ADARB1: variants seen among roughly 807,000 people sequenced by gnomAD.
ADARB1 encodes the protein double-stranded RNA-specific editase 1.
A neutral mutation model predicts 52.4 loss-of-function variants in ADARB1; 10 were observed. The ratio of observed to expected loss-of-function variants is 0.19; its 90% CI spans 0.12 to 0.32. The LOEUF is 0.32. Among genes scored for constraint, ADARB1 ranks in the 10% least tolerant of loss-of-function variants. The pLI is 1.00. For missense variants in ADARB1, 643 were observed against 922.3 expected (o/e 0.70, Z 3.92); for synonymous variants, 349 against 371.1 (o/e 0.94, Z 0.68).
At position 45,222,711 on chromosome 21, in the gene ADARB1, A is replaced by G. The variant is rs995658669; in HGVS notation, c.*514A>G. On this transcript the variant is annotated 3_prime_UTR_variant, in exon 11 of 11. Transcript: ENST00000348831. ...AAATAGAGGTAGGAAATAGTAGCCT[A>G]AAGGAAATCGCCACACGTCTGTCTA... is the stretch of plus-strand genomic sequence containing the variant. The G allele has an allele frequency of 4.1e-6, 4 of 986,382 alleles. No individual in the cohort carries two copies. Among genetic ancestry groups the G allele is most frequent in the Non-Finnish European group, 3.6e-6 (3 of 830,648 alleles). 61.1% of individuals were successfully genotyped at this position (986,382 alleles called of 1,614,324 possible).
chr21:45,172,783 C>T lies in ADARB1; in HGVS notation c.28+1099C>T, dbSNP rs2091539910. Among the ~76,000 whole-genome samples, 1 of 152,204 alleles carries T rather than the reference C, an allele frequency of 6.6e-6. No homozygotes were observed. The highest frequency in any genetic ancestry group is 2.4e-5 in the African/African-American group (1 of 41,452). On this transcript the variant is annotated intron_variant, in intron 3 of 10. Transcript: ENST00000348831. The surrounding 1 kb of genome is among the most constrained non-coding windows in gnomAD (Gnocchi z 4.4). ...AGGAACCACGGGACCAGCGTGCTCA[C>T]CTCACTTCCGCTGTTGTGTGCGCAG...
chr21:45,095,543 C>G (rs761522839), intron 1 of ADARB1, among the ~76,000 whole-genome samples: 6 of 152,084 alleles, frequency 3.9e-5, no homozygotes, highest in Non-Finnish European at 5.9e-5. Context: ...CCCGCTGTTT[C>G]AGGGTTCTGC....
At chr21:45,126,553 TC>T (rs1432396061) in intron 1 of ADARB1, among the ~76,000 whole-genome samples, 2 of 152,162 alleles carry the variant, frequency 1.3e-5, no homozygotes, top group Non-Finnish European at 1.5e-5. Flanking sequence ...CGGCGGGTGT[TC>T]CTTGTGTCCT....
rs747218171 is a variant in ADARB1 at position 45,172,544 on chromosome 21, C to T, written c.28+860C>T. ...ATCTGGGGTCTTGGAGTCACTCTTG[C>T]GTACCATGTAGAACCCAAACCATGA... On this transcript the variant is annotated intron_variant, in intron 3 of 10. Coordinates refer to ENST00000348831, the MANE Select transcript of ADARB1 (RefSeq NM_001112.4). This position sits in a 1 kb window ranked among gnomAD's most constrained non-coding sequence, Gnocchi z 4.4. Among the ~76,000 whole-genome samples, 2 of 152,162 alleles carry T rather than the reference C, an allele frequency of 1.3e-5. No homozygotes were observed. Among genetic ancestry groups the T allele is most frequent in the Non-Finnish European group, 2.9e-5 (2 of 68,036 alleles).
chr21:45,192,570 T>G (rs577151500), intron 8 of ADARB1, among the ~76,000 whole-genome samples: 1 of 152,116 alleles, frequency 6.6e-6, no homozygotes, highest in Non-Finnish European at 1.5e-5. Context: ...GAGTTGTGAC[T>G]ACCTTGAGAC....
chr21:45,212,402 G>C (rs1459343505), intron 9 of ADARB1, among the ~76,000 whole-genome samples: 1 of 152,190 alleles, frequency 6.6e-6, no homozygotes, highest in Admixed American at 6.5e-5. Context: ...GGTGCTGGAG[G>C]TAGGGCAGGT....
chr21:45,225,618 G>A lies in ADARB1; in HGVS notation c.*3421G>A, dbSNP rs1602106403. ...TGAGGATGGGATTAGCGAAGCTGTG[G>A]AGACTGCACATCCGGACCTGCCCAT... is the stretch of plus-strand genomic sequence containing the variant. On this transcript the variant is annotated 3_prime_UTR_variant, in exon 11 of 11. Coordinates refer to ENST00000348831, the MANE Select transcript of ADARB1 (RefSeq NM_001112.4). 2.3e-6 allele frequency: 3 copies of A among 1,282,580 alleles called. No homozygotes were observed. The highest frequency in any genetic ancestry group is 3.0e-6 in the Non-Finnish European group (3 of 992,380). The allele number at this position is 1,282,580 out of a possible 1,614,324, so 79.4% of individuals were successfully genotyped here. A position where few individuals can be genotyped will look rare whatever the true frequency, so the allele number is the denominator to read the frequency against.
intron 3 of ADARB1, chr21:45,171,907 C>G (rs543978421): frequency 1.8e-6 from 1 of 550,036 alleles, no homozygotes; most frequent in African/African-American, 1.9e-5. Flanking sequence ...TGGGGCATCA[C>G]TGTGCCCCGT....
In ADARB1 at chr21:45,224,811, AAAAAT is replaced by A. The variant is rs2093035727; in HGVS notation, c.*2618_*2622del. ...AGGACAGCTCATCTGTAATCAGAAA[AAAAAT>A]AAACAAAATACAGAACGCTGACTCC... is the stretch of plus-strand genomic sequence containing the variant. On this transcript the variant is annotated 3_prime_UTR_variant, in exon 11 of 11. Coordinates refer to ENST00000348831, the MANE Select transcript of ADARB1 (RefSeq NM_001112.4). 2 of 984,912 alleles carry A rather than the reference AAAAAT, an allele frequency of 2.0e-6. No individual in the cohort carries two copies. Among genetic ancestry groups the A allele is most frequent in the Non-Finnish European group, 2.4e-6 (2 of 829,840 alleles). The allele number at this position is 984,912 out of a possible 1,614,324, so 61.0% of individuals were successfully genotyped here.
chr21:45,204,500 C>A lies in ADARB1; in HGVS notation c.1566-55C>A, dbSNP rs1601956298. 1.9e-6 allele frequency: 3 copies of A among 1,569,080 alleles called. No individual in the cohort carries two copies. Among genetic ancestry groups the A allele is most frequent in the Non-Finnish European group, 2.6e-6 (3 of 1,147,960 alleles). The stretch of plus-strand genomic sequence containing the variant: ...TGTAACCACGCAGGCTTGGGCTGGG[C>A]TGCGTCGACACTGAGTCCGAGCTCC... On this transcript the variant is annotated intron_variant, in intron 8 of 10. Transcript: ENST00000348831. The surrounding 1 kb of genome is among the most constrained non-coding windows in gnomAD (Gnocchi z 4.4).
chr21:45,176,290 G>C lies in ADARB1; in HGVS notation c.589G>C (p.Asp197His), dbSNP rs1411159589. 1 of 1,614,192 alleles carries C rather than the reference G, an allele frequency of 6.2e-7. No homozygotes were observed. Among genetic ancestry groups the C allele is most frequent in the Non-Finnish European group, 8.5e-7 (1 of 1,180,020 alleles). Residue 197 changes from aspartate to histidine, a missense_variant, in exon 4 of 11, where the codon GAT becomes CAT. Coordinates refer to ENST00000348831, the MANE Select transcript of ADARB1 (RefSeq NM_001112.4). The surrounding 1 kb of genome is among the most constrained non-coding windows in gnomAD (Gnocchi z 5.8). ...EPPFYVGSNGDDSFSSSGDLS... is the reference protein window; with the variant it reads ...EPPFYVGSNGHDSFSSSGDLS... ...TCCCTTTTACGTGGGCTCCAATGGGGATGACTCCTTCAGTTCCAGCGGGGA... is the reference window on the plus strand; with the variant it reads ...TCCCTTTTACGTGGGCTCCAATGGGCATGACTCCTTCAGTTCCAGCGGGGA...
chr21:45,143,767 A>T lies in ADARB1; in HGVS notation c.-48+15194A>T, dbSNP rs538986773. On this transcript the variant is annotated intron_variant, in intron 2 of 10. Coordinates refer to ENST00000348831, the MANE Select transcript of ADARB1 (RefSeq NM_001112.4). Reference sequence around the variant, plus strand: ...CTTTCTTCACTCTTCCCAGAAGAGAACACTCTTCCCAGCTGTCTTACGGCC... The same window carrying T: ...CTTTCTTCACTCTTCCCAGAAGAGATCACTCTTCCCAGCTGTCTTACGGCC... 2.4e-4 allele frequency among the ~76,000 whole-genome samples: 37 copies of T among 152,336 alleles called. No individual in the cohort carries two copies. In the South Asian group the frequency reaches 7.1e-3, roughly 29 times the overall value.
intron 2 of ADARB1, chr21:45,134,887 G>T: frequency 1.9e-6 from 1 of 519,240 alleles, no homozygotes. Context: ...ACCCCTGGCT[G>T]CCGTTGACAG....
At chr21:45,089,179 A>G (rs2086464328) in intron 1 of ADARB1, among the ~76,000 whole-genome samples, 1 of 152,220 alleles carries the variant, frequency 6.6e-6, no homozygotes, top group South Asian at 2.1e-4. Flanking sequence ...CCAGCTCACA[A>G]CATACAGGTC....
At position 45,222,937 on chromosome 21, in the gene ADARB1, G is replaced by C; in HGVS notation, c.*740G>C. ...CCCTCAGCCTCCTCTAGAAGCTTCT[G>C]TACTCCTTGTAGGATCAGATCATGG... On this transcript the variant is annotated 3_prime_UTR_variant, in exon 11 of 11. Transcript: ENST00000348831. The C allele has an allele frequency of 1.0e-6, 1 of 985,488 alleles. No individual in the cohort carries two copies. The allele number at this position is 985,488 out of a possible 1,614,324, so 61.0% of individuals were successfully genotyped here. A position where few individuals can be genotyped will look rare whatever the true frequency, so the allele number is the denominator to read the frequency against.
intron 8 of ADARB1, among the ~76,000 whole-genome samples, chr21:45,191,880 A>ATTTTTTT (rs777269104): frequency 1.3e-4 from 2 of 15,736 alleles, no homozygotes; most frequent in African/African-American, 3.5e-4. Context: ...ATATATATAT[A>ATTTTTTT]TTTTTTTTTT....
In ADARB1 at chr21:45,223,775, G is replaced by A. The variant is rs190916875; in HGVS notation, c.*1578G>A. The stretch of plus-strand genomic sequence containing the variant: ...AAAACTGAAACACCGTGGCTTCGGC[G>A]GGGGGTGTGCCTCCTGATGTCAGGA... On this transcript the variant is annotated 3_prime_UTR_variant, in exon 11 of 11. Transcript: ENST00000348831. 2.2e-3 allele frequency: 2,197 copies of A among 985,430 alleles called. 3 individuals are homozygous for A. Among genetic ancestry groups the A allele is most frequent in the South Asian group, 4.4e-3 (93 of 21,288 alleles). The allele number at this position is 985,430 out of a possible 1,614,324, so 61.0% of individuals were successfully genotyped here.
rs553452064 is a variant in ADARB1 at position 45,221,778 on chromosome 21, G to A, written c.1927-240G>A. ...TCCCAGAAGCATGTCTTCAGAACTC[G>A]GGGGTCTGTAGCTGCCTGTTTGACC... On this transcript the variant is annotated intron_variant, in intron 10 of 10. Coordinates refer to ENST00000348831, the MANE Select transcript of ADARB1 (RefSeq NM_001112.4). This position sits in a 1 kb window ranked among gnomAD's most constrained non-coding sequence, Gnocchi z 4.9. Among the ~76,000 whole-genome samples the A allele has an allele frequency of 2.6e-5, 4 of 152,304 alleles. No individual in the cohort carries two copies. In the South Asian group the frequency reaches 6.2e-4, roughly 24 times the overall value.
At chr21:45,079,341 T>G (rs12483758) in intron 1 of ADARB1, among the ~76,000 whole-genome samples, 12,074 of 152,330 alleles carry the variant, frequency 0.079, 553 homozygotes, top group East Asian at 0.16. Flanking sequence ...ATTCATGCAC[T>G]TTCATAAAAA....
Sources: gnomAD v4.1 joint callset for allele counts (sites outside exome capture counted in the v4.1 genomes callset) on GRCh38, gnomAD v4.1.1 for gene constraint, Gnocchi (gnomAD v3.1) non-coding constraint, MANE v1.5 for transcripts, NCBI Gene and HGNC (gene_info 2026-07-23, HGNC 2026-07-21) for gene names.